The following MYRIP variants were observed in gnomAD, a reference collection of about 807,000 sequenced individuals.
The protein encoded by MYRIP is myosin VIIA and Rab interacting protein, also known as rab effector MyRIP.
MYRIP carries 49 observed loss-of-function variants against 98.0 expected under a neutral mutation model. The observed-to-expected ratio is 0.50, with a 90% CI of 0.40 to 0.63. The LOEUF (loss-of-function observed/expected upper bound fraction) is 0.63, where lower values mean the gene tolerates loss of function less well. Among genes scored for constraint, MYRIP ranks in the 30% least tolerant of loss-of-function variants. The pLI, the probability that MYRIP is intolerant of heterozygous loss-of-function variation, is 0.00. For missense variants in MYRIP, 1,004 were observed against 1,058.2 expected, an observed-to-expected ratio of 0.95 and a Z score of 0.71; for synonymous variants, 404 against 409.5, an observed-to-expected ratio of 0.99 and a Z score of 0.16.
At chr3:39,868,660 A>G (rs1418353765) in intron 1 of MYRIP, among the ~76,000 whole-genome samples, 1 of 152,174 alleles carries the variant, frequency 6.6e-6, no homozygotes, top group Non-Finnish European at 1.5e-5. Context: ...TGCTGACCCT[A>G]AAGGGTCTGC....
At chr3:39,871,466 T>G (rs1394105633) in intron 1 of MYRIP, among the ~76,000 whole-genome samples, 2 of 152,180 alleles carry the variant, frequency 1.3e-5, no homozygotes, top group Admixed American at 6.5e-5. Context: ...CAGAGTGGGA[T>G]GGCAAACAGG....
At chr3:39,997,780 C>CCT (rs1248846038) in intron 2 of MYRIP, among the ~76,000 whole-genome samples, 31 of 152,192 alleles carry the variant, frequency 2.0e-4, no homozygotes, top group African/African-American at 7.0e-4. Flanking sequence ...ATGCAAAAAT[C>CCT]CATGATAAAA....
chr3:39,860,904 C>A (rs1320203533), intron 1 of MYRIP, among the ~76,000 whole-genome samples: 2 of 152,366 alleles, frequency 1.3e-5, no homozygotes, highest in East Asian at 1.9e-4. Context: ...TGCCAGCACC[C>A]CATTCCTGCA....
At chr3:40,039,060 G>T (rs1341955554) in intron 2 of MYRIP, among the ~76,000 whole-genome samples, 2 of 152,092 alleles carry the variant, frequency 1.3e-5, no homozygotes, top group African/African-American at 4.8e-5. Context: ...CACATGAAAT[G>T]GTTTTCTGTT....
chr3:39,824,002 T>A (rs919301176), intron 1 of MYRIP, among the ~76,000 whole-genome samples: 9 of 152,210 alleles, frequency 5.9e-5, no homozygotes, highest in Admixed American at 2.6e-4. Context: ...TACATTTAGA[T>A]CTTTAATCCA....
chr3:40,158,540 C>T (rs899003383), intron 4 of MYRIP, among the ~76,000 whole-genome samples: 1 of 152,056 alleles, frequency 6.6e-6, no homozygotes, highest in African/African-American at 2.4e-5. Flanking sequence ...AGTTCAATTC[C>T]TGGGTATCCT....
intron 2 of MYRIP, among the ~76,000 whole-genome samples, chr3:40,002,753 G>T (rs1946547173): frequency 6.6e-6 from 1 of 151,896 alleles, no homozygotes; most frequent in Admixed American, 6.6e-5. Context: ...AAATAAATAT[G>T]ATACACATAT....
intron 2 of MYRIP, among the ~76,000 whole-genome samples, chr3:39,925,790 A>G (rs148082666): frequency 3.4e-4 from 52 of 152,300 alleles, no homozygotes; most frequent in Non-Finnish European, 5.6e-4. Flanking sequence ...TGCAATGAAC[A>G]TATGAGTGCA....
intron 2 of MYRIP, among the ~76,000 whole-genome samples, chr3:39,966,965 A>G (rs1053948956): frequency 6.6e-6 from 1 of 152,208 alleles, no homozygotes; most frequent in Non-Finnish European, 1.5e-5. Flanking sequence ...CTTCACTCAC[A>G]TTATACAGCA....
At chr3:40,114,840 A>G (rs986061918) in intron 3 of MYRIP, among the ~76,000 whole-genome samples, 4 of 152,254 alleles carry the variant, frequency 2.6e-5, no homozygotes, top group African/African-American at 9.6e-5. Flanking sequence ...ATGGCTGTCA[A>G]AATTACAAAT....
At chr3:39,878,741 A>ATC (rs1943080970) in intron 1 of MYRIP, among the ~76,000 whole-genome samples, 2 of 152,242 alleles carry the variant, frequency 1.3e-5, no homozygotes, top group African/African-American at 4.8e-5. Flanking sequence ...GACTTTGATG[A>ATC]AAAATACTAC....
chr3:39,921,779 G>A (rs1203046277), intron 2 of MYRIP, among the ~76,000 whole-genome samples: 1 of 151,608 alleles, frequency 6.6e-6, no homozygotes, highest in Non-Finnish European at 1.5e-5. Context: ...CTACTCAGGA[G>A]GCTGAGACAG....
intron 3 of MYRIP, among the ~76,000 whole-genome samples, chr3:40,133,073 G>C (rs1949680392): frequency 6.6e-6 from 1 of 152,242 alleles, no homozygotes; most frequent in Non-Finnish European, 1.5e-5. Flanking sequence ...ATTCAGTGCT[G>C]AGGAGAACAC....
At chr3:40,132,156 A>C (rs1478828716) in intron 3 of MYRIP, among the ~76,000 whole-genome samples, 1 of 152,130 alleles carries the variant, frequency 6.6e-6, no homozygotes, top group Non-Finnish European at 1.5e-5. Flanking sequence ...TGAGACACCA[A>C]GTAATAAGGT....
chr3:40,159,390 G>A (rs1950324557), intron 4 of MYRIP, among the ~76,000 whole-genome samples: 1 of 152,174 alleles, frequency 6.6e-6, no homozygotes, highest in African/African-American at 2.4e-5. Context: ...GCTTCCCTTT[G>A]AGGGTAACTG....
chr3:40,169,816 G>A, intron 7 of MYRIP, 134 bp from the exon 8 acceptor site: 1 of 1,006,074 alleles, frequency 9.9e-7, no homozygotes. Flanking sequence ...GCGCAGATCT[G>A]AAACAGCCTG....
At chr3:40,234,895 G>A (rs1022413341) in intron 12 of MYRIP, among the ~76,000 whole-genome samples, 3 of 150,962 alleles carry the variant, frequency 2.0e-5, no homozygotes, top group African/African-American at 7.3e-5. Flanking sequence ...TTGGGAGGCT[G>A]ACCCAGGAAA....
In MYRIP at chr3:40,137,013, A is replaced by AG. The variant is rs1421333799; in HGVS notation, c.333-14033dup. Among the ~76,000 whole-genome samples the AG allele has an allele frequency of 7.9e-5, 12 of 151,356 alleles. No homozygotes were observed. In the East Asian group the frequency reaches 2.1e-3, roughly 27 times the overall value. Reference sequence around the variant, plus strand: ...GCAAACACATTCAAAAGCTAGCAGAAGGCAAGAAATAACTAAGATCAGAGC... The same window carrying AG: ...GCAAACACATTCAAAAGCTAGCAGAAGGGCAAGAAATAACTAAGATCAGAGC... On this transcript the variant is annotated intron_variant, in intron 3 of 16. Coordinates refer to ENST00000302541, the MANE Select transcript of MYRIP (RefSeq NM_015460.4).
Position 40,217,556 on chromosome 3 carries a change from G to A in MYRIP, c.1905+7463G>A, listed in dbSNP as rs1253358225. Among the ~76,000 whole-genome samples, 5 of 152,114 alleles carry A rather than the reference G, an allele frequency of 3.3e-5. No homozygotes were observed. The East Asian group carries it at 9.6e-4, about 29-fold the overall frequency. Reference sequence around the variant, plus strand: ...TACTCATAAATACTGAATGAAGAATGAATTTCAAACAGCTGATAAACAACC... The same window carrying A: ...TACTCATAAATACTGAATGAAGAATAAATTTCAAACAGCTGATAAACAACC... On this transcript the variant is annotated intron_variant, in intron 11 of 16. Coordinates refer to ENST00000302541, the MANE Select transcript of MYRIP (RefSeq NM_015460.4).
Sources: allele counts gnomAD v4.1 joint callset (sites outside exome capture counted in the v4.1 genomes callset), GRCh38; gene constraint gnomAD v4.1.1; transcripts MANE v1.5; gene names NCBI Gene and HGNC (gene_info 2026-07-23, HGNC 2026-07-21).